The following DCTN4 variants were observed in gnomAD, a reference collection of about 807,000 sequenced individuals.
DCTN4 encodes dynactin subunit 4.
DCTN4 carries 23 observed loss-of-function variants against 62.7 expected under a neutral mutation model. The observed-to-expected ratio is 0.37, with a 90% CI of 0.26 to 0.52. The LOEUF (loss-of-function observed/expected upper bound fraction) is 0.52, where lower values mean the gene tolerates loss of function less well. Among genes scored for constraint, DCTN4 ranks in the 20% least tolerant of loss-of-function variants. The pLI is 0.92. For synonymous variants in DCTN4, 199 were observed against 202.1 expected, an observed-to-expected ratio of 0.98 and a Z score of 0.13; for missense variants, 514 against 580.4, an observed-to-expected ratio of 0.89 and a Z score of 1.18.
chr5:150,735,211 C>T (rs1760531806), intron 4 of DCTN4, among the ~76,000 whole-genome samples: 1 of 132,882 alleles, frequency 7.5e-6, no homozygotes, highest in African/African-American at 4.3e-5. Flanking sequence ...TGGCTGGAGG[C>T]CAACCAACTC....
intron 4 of DCTN4, among the ~76,000 whole-genome samples, chr5:150,738,890 C>T (rs1400673267): frequency 6.6e-6 from 1 of 152,116 alleles, no homozygotes; most frequent in Non-Finnish European, 1.5e-5. Context: ...GCTCCTAGAT[C>T]TGATCAATGA....
At chr5:150,722,160 G>C (rs1444324521) in intron 9 of DCTN4, among the ~76,000 whole-genome samples, 1 of 152,064 alleles carries the variant, frequency 6.6e-6, no homozygotes, top group Non-Finnish European at 1.5e-5. Flanking sequence ...ATTTCTTTTT[G>C]CTAAGGTCAA....
At chr5:150,747,310 A>C (rs1752487441) in intron 3 of DCTN4, among the ~76,000 whole-genome samples, 1 of 152,270 alleles carries the variant, frequency 6.6e-6, no homozygotes, top group Non-Finnish European at 1.5e-5. Flanking sequence ...AAATGGAAGA[A>C]CATTCCATGC....
At chr5:150,719,808 A>T (rs1208810794) in intron 9 of DCTN4, 38 bp from the exon 10 acceptor site, 1 of 1,324,980 alleles carries the variant, frequency 7.5e-7, no homozygotes, top group Non-Finnish European at 1.1e-6. Flanking sequence ...TGTTCATTGG[A>T]GTCTCTTAAA....
At chr5:150,754,430 C>A (rs998872637) in intron 2 of DCTN4, among the ~76,000 whole-genome samples, 1 of 152,156 alleles carries the variant, frequency 6.6e-6, no homozygotes, top group African/African-American at 2.4e-5. Context: ...GGAAAGTATA[C>A]AAAACAGTAT....
chr5:150,749,194 T>C (rs1186011359), intron 3 of DCTN4, among the ~76,000 whole-genome samples: 4 of 152,098 alleles, frequency 2.6e-5, no homozygotes, highest in African/African-American at 9.7e-5. Context: ...GAGTAAATAT[T>C]TGCAAAACAT....
At chr5:150,732,055 T>C (rs976656403) in intron 5 of DCTN4, 7 of 737,516 alleles carry the variant, frequency 9.5e-6, no homozygotes, top group Non-Finnish European at 1.2e-5. Flanking sequence ...ATAACACACA[T>C]TGGTGCATAT....
chr5:150,745,801 G>C (rs540486561), intron 3 of DCTN4, among the ~76,000 whole-genome samples: 2 of 151,946 alleles, frequency 1.3e-5, no homozygotes, highest in East Asian at 3.9e-4. Flanking sequence ...AGTGTGTAGA[G>C]GGAAATTTAT....
chr5:150,710,952 C>G lies in DCTN4; in HGVS notation c.*197G>C, dbSNP rs924745643. 3 of 592,086 alleles carry G rather than the reference C, an allele frequency of 5.1e-6. No individual in the cohort carries two copies. The African/African-American group carries it at 5.6e-5, about 11-fold the overall frequency. 36.7% of individuals were successfully genotyped at this position (592,086 alleles called of 1,614,324 possible). ...GGAGACACAGACTTACTGGTGTCAA[C>G]AGGGGTGAGAGCAAGAGCAACAGCA... On this transcript the variant is annotated 3_prime_UTR_variant, in exon 13 of 13. Transcript: ENST00000447998.
At chr5:150,736,667 A>G (rs1217211721) in intron 4 of DCTN4, among the ~76,000 whole-genome samples, 2 of 152,216 alleles carry the variant, frequency 1.3e-5, no homozygotes, top group Non-Finnish European at 1.5e-5. Context: ...CTTAAAGCAT[A>G]AGTCTCACAG....
intron 6 of DCTN4, 119 bp downstream of exon 6, chr5:150,731,297 G>A (rs916676609): frequency 1.9e-6 from 2 of 1,038,202 alleles, no homozygotes; most frequent in Non-Finnish European, 2.9e-6. Context: ...TCTTTTCTAA[G>A]TATGAGAATC....
chr5:150,715,896 T>TAA (rs150629230), intron 11 of DCTN4, among the ~76,000 whole-genome samples: 1,684 of 152,234 alleles, frequency 0.011, 29 homozygotes, highest in African/African-American at 0.037. Context: ...GTGTCTTTAA[T>TAA]GTTTTATTTT....
chr5:150,714,301 G>A (rs1206929369), intron 12 of DCTN4, among the ~76,000 whole-genome samples: 2 of 152,140 alleles, frequency 1.3e-5, no homozygotes, highest in African/African-American at 4.8e-5. Flanking sequence ...CTAGAAGTCT[G>A]GAGGAGGAAG....
intron 5 of DCTN4, chr5:150,731,727 C>T (rs1760377775): frequency 1.4e-6 from 1 of 711,494 alleles, no homozygotes; most frequent in African/African-American, 1.8e-5. Context: ...AAAAATGAAC[C>T]AAATGTGAGC....
In DCTN4 at chr5:150,731,159, G is replaced by A. The variant is rs1293098835; in HGVS notation, c.612-3C>T. On this transcript the variant is annotated splice_region_variant and splice_polypyrimidine_tract_variant and intron_variant, in intron 6 of 12. Coordinates refer to ENST00000447998, the MANE Select transcript of DCTN4 (RefSeq NM_016221.4). ...TCTGATCCTCTCCTTCTTTAAGGCT[G>A]AAAAATTAAAAAAACAAAACAAAAC... The A allele has an allele frequency of 1.9e-6, 3 of 1,589,264 alleles. No homozygotes were observed. Among genetic ancestry groups the A allele is most frequent in the Non-Finnish European group, 2.6e-6 (3 of 1,161,456 alleles).
chr5:150,727,515 G>A (rs909268760), intron 8 of DCTN4, among the ~76,000 whole-genome samples: 3 of 151,986 alleles, frequency 2.0e-5, no homozygotes, highest in South Asian at 2.1e-4. Context: ...GGTGGCTCAC[G>A]CCTGTAATCC....
At chr5:150,747,468 G>A in intron 3 of DCTN4, among the ~76,000 whole-genome samples, 1 of 152,208 alleles carries the variant, frequency 6.6e-6, no homozygotes, top group Non-Finnish European at 1.5e-5. Flanking sequence ...CTAAAAAAGA[G>A]CCCGCATTGC....
chr5:150,750,639 T>C (rs962035728), intron 3 of DCTN4, among the ~76,000 whole-genome samples: 2 of 152,178 alleles, frequency 1.3e-5, no homozygotes, highest in African/African-American at 2.4e-5. Context: ...ATAATGCTGA[T>C]AGAGTAAAGT....
intron 2 of DCTN4, among the ~76,000 whole-genome samples, chr5:150,755,352 G>A (rs1389492086): frequency 6.6e-6 from 1 of 152,160 alleles, no homozygotes; most frequent in Non-Finnish European, 1.5e-5. Context: ...GTCTTTATGG[G>A]CTGTGACAGT....
Sources: gnomAD v4.1 joint callset for allele counts (sites outside exome capture counted in the v4.1 genomes callset) on GRCh38, gnomAD v4.1.1 for gene constraint, MANE v1.5 for transcripts, NCBI Gene and HGNC (gene_info 2026-07-23, HGNC 2026-07-21) for gene names.